CALCB: variants seen among roughly 807,000 people sequenced by gnomAD.
The protein encoded by CALCB is calcitonin gene-related peptide 2.
CALCB carries 8 observed loss-of-function variants against 10.7 expected under a neutral mutation model. The ratio of observed to expected loss-of-function variants is 0.75; its 90% CI spans 0.44 to 1.34. The LOEUF (loss-of-function observed/expected upper bound fraction) is 1.34, where lower values mean the gene tolerates loss of function less well. Ranked by LOEUF, CALCB falls within the 40% of genes most tolerant of loss-of-function variation. CALCB has a pLI of 0.01. For missense variants in CALCB, 176 were observed against 162.5 expected (o/e 1.08, Z -0.45); for synonymous variants, 76 against 66.9 (o/e 1.14, Z -0.66).
rs945772508 is a variant in CALCB, at chr11:15,078,363, C to T, written c.*306C>T. 1.3e-5 allele frequency: 2 copies of T among 152,206 alleles called. No individual in the cohort carries two copies. The highest frequency in any genetic ancestry group is 4.8e-5 in the African/African-American group (2 of 41,454). The allele number at this position is 152,206 out of a possible 1,614,324, so 9.4% of individuals were successfully genotyped here. A position where few individuals can be genotyped will look rare whatever the true frequency, so the allele number is the denominator to read the frequency against. On this transcript the variant is annotated 3_prime_UTR_variant, in exon 5 of 5. Coordinates refer to ENST00000324229, the MANE Select transcript of CALCB (RefSeq NM_000728.4). ...CGGAGCCATCCTGTTGATCATGCAG[C>T]TCCACCAAACCTTAGGGGGACGTGA...
chr11:15,074,774 A>G lies in CALCB; in HGVS notation c.56A>G (p.Gln19Arg). The change falls in exon 2 of 5, where the codon CAG (glutamine) becomes CGG (arginine). Residue 19 changes from glutamine to arginine, a missense_variant. Coordinates refer to ENST00000324229, the MANE Select transcript of CALCB (RefSeq NM_000728.4). ...GCTCTCAGTATCTTGGTCCTGTACCAGGCGGGCAGCCTCCAGGCGGCGCCA... is the reference window on the plus strand; with the variant it reads ...GCTCTCAGTATCTTGGTCCTGTACCGGGCGGGCAGCCTCCAGGCGGCGCCA... Reference protein sequence around the residue: ...FLALSILVLYQAGSLQAAPFR... With the variant: ...FLALSILVLYRAGSLQAAPFR... 6.2e-7 allele frequency: 1 copy of G among 1,614,042 alleles called. No individual in the cohort carries two copies. Among genetic ancestry groups the G allele is most frequent in the Non-Finnish European group, 8.5e-7 (1 of 1,179,970 alleles).
In CALCB at chr11:15,077,439, A is replaced by C. The variant is rs764610307; in HGVS notation, c.378A>C (p.Gln126His). The C allele has an allele frequency of 3.1e-6, 5 of 1,614,192 alleles. No individual in the cohort carries two copies. Among genetic ancestry groups the C allele is most frequent in the Non-Finnish European group, 4.2e-6 (5 of 1,180,050 alleles). ...TTGGCAGGCGCCGCAGGGACCTTCA[A>C]GCCTGAGCAGATGAATGACTCCAGG... ...KAFGRRRRDL[Q>H]A is the part of the protein sequence containing the mutation. The change falls in exon 4 of 5, where the codon CAA (glutamine) becomes CAC (histidine). Residue 126 changes from glutamine to histidine, a missense_variant. Physicochemically the swap from Gln to His is conservative, Grantham distance 24. Transcript: ENST00000324229.
At position 15,078,562 on chromosome 11, in the gene CALCB, G is replaced by A. The variant is rs952207353; in HGVS notation, c.*505G>A. ...ACATTTGTTTCAAAACCTTGGTGAT[G>A]CATTACAACTTGTTTTCTTATGTAA... On this transcript the variant is annotated 3_prime_UTR_variant, in exon 5 of 5. Transcript: ENST00000324229. 1.3e-5 allele frequency: 2 copies of A among 152,154 alleles called. No homozygotes were observed. The highest frequency in any genetic ancestry group is 3.8e-4 in the East Asian group (2 of 5,200). 9.4% of individuals were successfully genotyped at this position (152,154 alleles called of 1,614,324 possible). A position where few individuals can be genotyped will look rare whatever the true frequency, so the allele number is the denominator to read the frequency against.
chr11:15,074,595 C>G (rs1228415219), intron 1 of CALCB, 115 bp from the exon 2 acceptor site: 2 of 739,354 alleles, frequency 2.7e-6, no homozygotes, highest in African/African-American at 3.5e-5. Context: ...ATGAAGGGAA[C>G]AGAGGCTCAG....
At chr11:15,076,859 T>C (rs906651328) in intron 3 of CALCB, among the ~76,000 whole-genome samples, 1 of 152,194 alleles carries the variant, frequency 6.6e-6, no homozygotes, top group Non-Finnish European at 1.5e-5. Context: ...GGTAAGTACT[T>C]CTGGGAGAGG....
chr11:15,077,250 A>C, intron 3 of CALCB, 36 bp from the exon 4 acceptor site: 5 of 1,607,436 alleles, frequency 3.1e-6, no homozygotes, highest in Non-Finnish European at 4.3e-6. Context: ...CTTTTCACTC[A>C]CAGGTCTTCT....
rs780627046 is a variant in CALCB, at chr11:15,074,817, G to T, written c.86+13G>T. The T allele has an allele frequency of 3.1e-6, 5 of 1,607,812 alleles. No homozygotes were observed. Among genetic ancestry groups the T allele is most frequent in the Non-Finnish European group, 4.2e-6 (5 of 1,176,542 alleles). Reference sequence around the variant, plus strand: ...CGGCGCCATTCAGGTGAGACAGCCTGGAGCCAGAGGCGCCTTCTGCTCCCA... The same window carrying T: ...CGGCGCCATTCAGGTGAGACAGCCTTGAGCCAGAGGCGCCTTCTGCTCCCA... On this transcript the variant is annotated intron_variant, in intron 2 of 4. Transcript: ENST00000324229.
intron 3 of CALCB, 113 bp from the exon 4 acceptor site, chr11:15,077,173 A>G: frequency 8.5e-7 from 1 of 1,180,136 alleles, no homozygotes; most frequent in South Asian, 1.5e-5. Flanking sequence ...TGCATTTTCG[A>G]GAAACACTTA....
intron 3 of CALCB, among the ~76,000 whole-genome samples, chr11:15,076,332 C>T (rs1221454505): frequency 6.6e-6 from 1 of 152,160 alleles, no homozygotes; most frequent in Non-Finnish European, 1.5e-5. Context: ...GCAGAGGGAC[C>T]ACTACCCGAC....
chr11:15,077,539 C>G, intron 4 of CALCB, 69 bp downstream of exon 4: 2 of 1,486,158 alleles, frequency 1.3e-6, no homozygotes, highest in Admixed American at 4.1e-5. Context: ...TTTTGAAAAC[C>G]TCTGCTCTGG....
intron 3 of CALCB, among the ~76,000 whole-genome samples, chr11:15,076,625 C>T (rs143038532): frequency 3.3e-5 from 5 of 152,296 alleles, no homozygotes; most frequent in African/African-American, 7.2e-5. Flanking sequence ...AAATGTACTA[C>T]GATAAAATAA....
Position 15,077,354 on chromosome 11 carries a change from G to A in CALCB, c.293G>A (p.Ser98Asn), listed in dbSNP as rs2133642148. The change falls in exon 4 of 5, where the codon AGC (serine) becomes AAC (asparagine). Residue 98 changes from serine (S) to asparagine (N), a missense_variant. Ser to Asn is a conservative substitution (Grantham distance 46, BLOSUM62 1). Transcript: ENST00000324229. ...ACTCATCGGCTGGCAGGCTTGCTGA[G>A]CAGATCAGGGGGCATGGTGAAGAGC... is the stretch of plus-strand genomic sequence containing the variant. ...CVTHRLAGLL[S>N]RSGGMVKSNF... 2 of 1,614,236 alleles carry A rather than the reference G, an allele frequency of 1.2e-6. No individual in the cohort carries two copies. The highest frequency in any genetic ancestry group is 2.2e-5 in the South Asian group (2 of 91,090).
At chr11:15,076,151 G>A (rs773726505) in intron 3 of CALCB, among the ~76,000 whole-genome samples, 10 of 152,150 alleles carry the variant, frequency 6.6e-5, no homozygotes, top group Non-Finnish European at 1.3e-4. Context: ...GTACTGTCTG[G>A]CATGTCCTTC....
intron 3 of CALCB, among the ~76,000 whole-genome samples, chr11:15,075,627 A>G (rs1850387646): frequency 6.6e-6 from 1 of 152,212 alleles, no homozygotes; most frequent in Admixed American, 6.5e-5. Flanking sequence ...TAGAAATTTC[A>G]CATGTGCATG....
rs778146125 is a variant in CALCB, at chr11:15,077,358, A to T, written c.297A>T (p.Arg99Ser). 4.3e-6 allele frequency: 7 copies of T among 1,614,224 alleles called. No individual in the cohort carries two copies. The South Asian group carries it at 7.7e-5, about 18-fold the overall frequency. The change falls in exon 4 of 5, where the codon AGA (arginine) becomes AGT (serine). Residue 99 changes from arginine (R) to serine (S), a missense_variant. Transcript: ENST00000324229. ...ATCGGCTGGCAGGCTTGCTGAGCAGATCAGGGGGCATGGTGAAGAGCAACT... is the reference window on the plus strand; with the variant it reads ...ATCGGCTGGCAGGCTTGCTGAGCAGTTCAGGGGGCATGGTGAAGAGCAACT... ...VTHRLAGLLS[R>S]SGGMVKSNFV...
chr11:15,073,675 C>T lies in CALCB; in HGVS notation c.-10+12C>T, dbSNP rs1397792175. On this transcript the variant is annotated intron_variant, in intron 1 of 4. Transcript: ENST00000324229. Reference sequence around the variant, plus strand: ...ACTCTAGTCGCCAGGTGAGGAACTTCCCATTCCCCATTCCGCTCACTCGAA... The same window carrying T: ...ACTCTAGTCGCCAGGTGAGGAACTTTCCATTCCCCATTCCGCTCACTCGAA... The T allele has an allele frequency of 1.3e-5, 2 of 152,340 alleles. No homozygotes were observed. Among genetic ancestry groups the T allele is most frequent in the African/African-American group, 4.8e-5 (2 of 41,480 alleles). The allele number at this position is 152,340 out of a possible 1,614,324, so 9.4% of individuals were successfully genotyped here. A position where few individuals can be genotyped will look rare whatever the true frequency, so the allele number is the denominator to read the frequency against.
intron 3 of CALCB, 86 bp from the exon 4 acceptor site, chr11:15,077,200 C>T (rs1222358761): frequency 1.1e-5 from 15 of 1,408,144 alleles, no homozygotes; most frequent in African/African-American, 8.5e-5. Context: ...GGTGGTGTGT[C>T]GAAGTGTTGC....
At chr11:15,077,597 C>CAAAGAACTCT in intron 4 of CALCB, 127 bp downstream of exon 4, 1 of 874,506 alleles carries the variant, frequency 1.1e-6, no homozygotes, top group Non-Finnish European at 1.7e-6. Flanking sequence ...CCTCCTGAGG[C>CAAAGAACTCT]AGTGAGTTCT....
rs1488849468 is a variant in CALCB, at chr11:15,075,118, CCTG to C, written c.148_150del (p.Leu50del). ...CACTCAGTAAAGAGGACGCGCGCCT[CCTG>C]CTGGCTGCACTGGTGCAGGACTATG... On this transcript the variant is annotated inframe_deletion, in exon 3 of 5. Transcript: ENST00000324229. The C allele has an allele frequency of 2.5e-6, 4 of 1,614,234 alleles. No individual in the cohort carries two copies. In the South Asian group the frequency reaches 3.3e-5, roughly 13 times the overall value.
Sources: gnomAD v4.1 joint callset for allele counts (sites outside exome capture counted in the v4.1 genomes callset) on GRCh38, gnomAD v4.1.1 for gene constraint, MANE v1.5 for transcripts, NCBI Gene and HGNC (gene_info 2026-07-23, HGNC 2026-07-21) for gene names.